Variants in PBX1 observed in about 807,000 individuals in gnomAD.
PBX1 encodes the protein PBX homeobox 1, also known as pre-B-cell leukemia transcription factor 1.
PBX1 carries 6 observed loss-of-function variants against 53.4 expected under a neutral mutation model. The observed-to-expected ratio is 0.11, with a 90% CI of 0.06 to 0.22. The LOEUF is 0.22. Ranked by LOEUF, PBX1 falls within the 10% of genes least tolerant of loss-of-function variation. The pLI is 1.00. For synonymous variants in PBX1, 204 were observed against 212.3 expected, an observed-to-expected ratio of 0.96 and a Z score of 0.34; for missense variants, 251 against 551.4, an observed-to-expected ratio of 0.46 and a Z score of 5.46.
At chr1:164,795,932 T>A (rs375735151) in intron 3 of PBX1, among the ~76,000 whole-genome samples, 2 of 152,146 alleles carry the variant, frequency 1.3e-5, no homozygotes, top group South Asian at 4.1e-4. Context: ...ACCCTCACCC[T>A]TATCCCTCCA....
chr1:164,590,191 A>G, intron 2 of PBX1, among the ~76,000 whole-genome samples: 1 of 149,304 alleles, frequency 6.7e-6, no homozygotes, highest in Admixed American at 6.8e-5. Flanking sequence ...CAGCCTGGGC[A>G]ACAGAGCGAG....
chr1:164,592,956 T>C (rs1655504880), intron 2 of PBX1, among the ~76,000 whole-genome samples: 1 of 137,230 alleles, frequency 7.3e-6, no homozygotes, highest in African/African-American at 2.6e-5. Context: ...ATCCTTAGAT[T>C]TTTTTTTTTT....
intron 2 of PBX1, among the ~76,000 whole-genome samples, chr1:164,750,477 AT>A (rs942959918): frequency 7.3e-5 from 11 of 149,846 alleles, no homozygotes; most frequent in Admixed American, 2.6e-4. Context: ...GCTTAAAAAA[AT>A]TTTTTTTAAG....
At chr1:164,857,945 A>G (rs1672012658) in intron 2 of PBX1, among the ~76,000 whole-genome samples, 1 of 152,226 alleles carries the variant, frequency 6.6e-6, no homozygotes, top group African/African-American at 2.4e-5. Context: ...GTTAGTTATT[A>G]GTGTGATTTC....
chr1:164,825,282 A>C (rs568526429), intron 8 of PBX1, among the ~76,000 whole-genome samples: 1 of 152,226 alleles, frequency 6.6e-6, no homozygotes, highest in African/African-American at 2.4e-5. Flanking sequence ...TCTTCTTCTT[A>C]GTCCTTCTCC....
intron 2 of PBX1, among the ~76,000 whole-genome samples, chr1:164,648,568 C>T (rs553484273): frequency 0.022 from 3,394 of 152,270 alleles, 57 homozygotes; most frequent in Non-Finnish European, 0.034. Context: ...AGAGAGGCTA[C>T]ATAATTTTCT....
At chr1:164,575,924 G>A (rs1557869348) in intron 2 of PBX1, among the ~76,000 whole-genome samples, 2 of 152,070 alleles carry the variant, frequency 1.3e-5, no homozygotes, top group African/African-American at 4.8e-5. Flanking sequence ...AAAGGCCCAA[G>A]AAGTAACCAC....
chr1:164,722,206 C>G (rs1188804060), intron 2 of PBX1, among the ~76,000 whole-genome samples: 1 of 152,144 alleles, frequency 6.6e-6, no homozygotes, highest in African/African-American at 2.4e-5. Flanking sequence ...AAGCCTTAAT[C>G]TCTTATGCTG....
rs1037639972 is a variant in PBX1, at chr1:164,849,307, A to C, written c.*2631A>C. 6 of 1,534,880 alleles carry C rather than the reference A, an allele frequency of 3.9e-6. No homozygotes were observed. The highest frequency in any genetic ancestry group is 3.5e-6 in the Non-Finnish European group (4 of 1,146,456). ...ATCACCTTTCACAGCATTTTCCCCA[A>C]CCAGCATTTCACTTAGTCTTCTCTA... On this transcript the variant is annotated 3_prime_UTR_variant, in exon 9 of 9. Transcript: ENST00000420696.
At chr1:164,595,746 TAATC>T (rs917377196) in intron 2 of PBX1, among the ~76,000 whole-genome samples, 7 of 152,184 alleles carry the variant, frequency 4.6e-5, no homozygotes, top group Admixed American at 4.6e-4. Flanking sequence ...TATTTAGTGT[TAATC>T]AACAACAGGA....
chr1:164,870,263 T>A (rs1341055652), intron 2 of PBX1, among the ~76,000 whole-genome samples: 2 of 77,030 alleles, frequency 2.6e-5, no homozygotes, highest in Non-Finnish European at 5.0e-5. Context: ...CCTTCCTTCC[T>A]TCCTTCTTTC....
intron 2 of PBX1, among the ~76,000 whole-genome samples, chr1:164,678,257 C>T (rs915266348): frequency 6.6e-6 from 1 of 152,210 alleles, no homozygotes. Flanking sequence ...ATGATGGACT[C>T]AGCTCCTGAG....
chr1:164,786,746 G>A (rs1668218297), intron 2 of PBX1, among the ~76,000 whole-genome samples: 2 of 145,698 alleles, frequency 1.4e-5, no homozygotes, highest in Non-Finnish European at 3.0e-5. Context: ...CACACGCACA[G>A]AATAGATATC....
chr1:164,604,138 A>G (rs1357446227), intron 2 of PBX1, among the ~76,000 whole-genome samples: 1 of 151,786 alleles, frequency 6.6e-6, no homozygotes, highest in East Asian at 1.9e-4. Context: ...ATGAGGTTTC[A>G]CTATGTTGTT....
At chr1:164,813,102 A>G (rs747908286) in intron 6 of PBX1, 1 of 152,090 alleles carries the variant, frequency 6.6e-6, no homozygotes, top group African/African-American at 2.4e-5. Flanking sequence ...AGTATGTGGT[A>G]TCTTTGACCA....
chr1:164,663,091 A>G (rs1660581688), intron 2 of PBX1, among the ~76,000 whole-genome samples: 2 of 152,198 alleles, frequency 1.3e-5, no homozygotes, highest in Admixed American at 1.3e-4. Context: ...CATAGCCTTA[A>G]GCATGTCAGT....
intron 2 of PBX1, among the ~76,000 whole-genome samples, chr1:164,697,922 C>T (rs529026356): frequency 6.6e-6 from 1 of 152,158 alleles, no homozygotes; most frequent in Non-Finnish European, 1.5e-5. Flanking sequence ...GAACCAGTTC[C>T]TCCTTGCCTC....
intron 2 of PBX1, among the ~76,000 whole-genome samples, chr1:164,777,165 G>A (rs12138296): frequency 0.25 from 38,402 of 152,012 alleles, 5,250 homozygotes; most frequent in African/African-American, 0.34. Flanking sequence ...ACTGGGCATG[G>A]TGGCTCATGC....
chr1:164,642,913 T>G (rs2800779), intron 2 of PBX1: 137,680 of 152,086 alleles, frequency 0.91, 63,921 homozygotes, highest in Non-Finnish European at 1. Context: ...TGTGATGGAG[T>G]TGATGTTTTA....
Sources: allele counts gnomAD v4.1 joint callset (sites outside exome capture counted in the v4.1 genomes callset), GRCh38; gene constraint gnomAD v4.1.1; transcripts MANE v1.5; gene names NCBI Gene and HGNC (gene_info 2026-07-23, HGNC 2026-07-21).